NAV2: variants seen among roughly 807,000 people sequenced by gnomAD.
NAV2 encodes neuron navigator 2, also known as helicase, APC down-regulated 1.
Under a neutral mutation model 223.2 loss-of-function variants are expected in NAV2, and 54 were observed. The observed-to-expected ratio is 0.24, with a 90% CI of 0.19 to 0.30. NAV2 has a LOEUF of 0.30. Among genes scored for constraint, NAV2 ranks in the 10% least tolerant of loss-of-function variants. NAV2 has a pLI of 1.00. For synonymous variants in NAV2, 1,279 were observed against 1,239.3 expected, an observed-to-expected ratio of 1.03 and a Z score of -0.67; for missense variants, 2,806 against 3,147.5, an observed-to-expected ratio of 0.89 and a Z score of 2.60.
rs536720409 is a variant in NAV2 at position 19,610,134 on chromosome 11, C to T, written c.76-222350C>T. 1.1e-3 allele frequency among the ~76,000 whole-genome samples: 165 copies of T among 152,332 alleles called. 2 individuals are homozygous for T. The highest frequency in any genetic ancestry group is 3.4e-3 in the Middle Eastern group (1 of 294). ...TTGACAGCAATCATATCCCCAGGCTCATGGGTGGGGGTGACAGAGAATGGT... is the reference window on the plus strand; with the variant it reads ...TTGACAGCAATCATATCCCCAGGCTTATGGGTGGGGGTGACAGAGAATGGT... On this transcript the variant is annotated intron_variant, in intron 1 of 37. Transcript: ENST00000360655.
intron 10 of NAV2, among the ~76,000 whole-genome samples, chr11:19,976,380 C>G (rs1291890823): frequency 6.6e-6 from 1 of 152,252 alleles, no homozygotes; most frequent in East Asian, 1.9e-4. Context: ...TCTTCTGTCT[C>G]TCTCTCTTTC....
chr11:20,023,041 T>C, intron 11 of NAV2: 1 of 1,549,770 alleles, frequency 6.5e-7, no homozygotes. Flanking sequence ...GCTAAAGGAC[T>C]TGCCATCCTG....
At chr11:20,088,563 C>T (rs920415843) in intron 26 of NAV2, among the ~76,000 whole-genome samples, 1 of 152,170 alleles carries the variant, frequency 6.6e-6, no homozygotes, top group Non-Finnish European at 1.5e-5. Flanking sequence ...CTGGCTGATT[C>T]TGGAGGAGCA....
chr11:19,618,495 T>G (rs1266978089), intron 1 of NAV2, among the ~76,000 whole-genome samples: 1 of 17,646 alleles, frequency 5.7e-5, no homozygotes, highest in South Asian at 6.3e-3. Context: ...TCTGGATAGA[T>G]GGATGGATGG....
chr11:19,577,849 T>C (rs1460581443), intron 1 of NAV2, among the ~76,000 whole-genome samples: 2 of 152,160 alleles, frequency 1.3e-5, no homozygotes, highest in Non-Finnish European at 2.9e-5. Flanking sequence ...TTCATTCCAT[T>C]TCAATTTGTT....
rs2049975325 is a variant in NAV2, at chr11:19,712,917, G to T, written c.-779G>T. ...GCCGCTCCCGAGCGCAGCCCTGCCC[G>T]GCCCGCCAGCCGCGCGTCCCGGCGC... is the stretch of plus-strand genomic sequence containing the variant. On this transcript the variant is annotated 5_prime_UTR_variant, in exon 1 of 38. Transcript: ENST00000349880. Among the ~76,000 whole-genome samples the T allele has an allele frequency of 6.6e-6, 1 of 151,318 alleles. No homozygotes were observed. Among genetic ancestry groups the T allele is most frequent in the South Asian group, 2.1e-4 (1 of 4,834 alleles).
chr11:19,517,015 G>C (rs1190030911), intron 1 of NAV2, among the ~76,000 whole-genome samples: 5 of 150,044 alleles, frequency 3.3e-5, no homozygotes, highest in Non-Finnish European at 7.4e-5. Flanking sequence ...TTCATGACCA[G>C]ACCAGGCAAC....
At chr11:19,970,658 A>G (rs2049158308) in intron 10 of NAV2, among the ~76,000 whole-genome samples, 1 of 152,206 alleles carries the variant, frequency 6.6e-6, no homozygotes, top group South Asian at 2.1e-4. Flanking sequence ...AAGAAGAAAG[A>G]CAAGCCAACA....
chr11:20,023,699 G>GGGGGGGGT (rs1554902313), intron 11 of NAV2, among the ~76,000 whole-genome samples: 23 of 144,572 alleles, frequency 1.6e-4, no homozygotes, highest in Admixed American at 1.4e-3. Flanking sequence ...CAAATTGCTG[G>GGGGGGGGT]GTGTGTGTGT....
chr11:19,496,384 G>T (rs1246895972), intron 1 of NAV2, among the ~76,000 whole-genome samples: 1 of 152,212 alleles, frequency 6.6e-6, no homozygotes, highest in Non-Finnish European at 1.5e-5. Flanking sequence ...GTTTTCTGGG[G>T]CTGCATTCAT....
At chr11:20,038,807 G>A (rs2056643618) in intron 12 of NAV2, among the ~76,000 whole-genome samples, 1 of 152,164 alleles carries the variant, frequency 6.6e-6, no homozygotes, top group African/African-American at 2.4e-5. Flanking sequence ...TGCCTGCCTA[G>A]GTTTTTGCTG....
At position 19,536,193 on chromosome 11, in the gene NAV2, T is replaced by A. The variant is rs144541760; in HGVS notation, c.75+185166T>A. ...GAGGTGTAAGCAGTTTTGTCTCCAGTTTCCAGAAGAGAAAGCCAAGCCTTA... is the reference window on the plus strand; with the variant it reads ...GAGGTGTAAGCAGTTTTGTCTCCAGATTCCAGAAGAGAAAGCCAAGCCTTA... On this transcript the variant is annotated intron_variant, in intron 1 of 37. Coordinates refer to the NAV2 transcript ENST00000360655. Among the ~76,000 whole-genome samples the A allele has an allele frequency of 1.7e-3, 252 of 152,322 alleles. 4 individuals are homozygous for A. The East Asian group carries it at 0.027, about 16-fold the overall frequency.
intron 10 of NAV2, among the ~76,000 whole-genome samples, chr11:19,959,709 C>T (rs1283111068): frequency 6.6e-6 from 1 of 152,172 alleles, no homozygotes; most frequent in African/African-American, 2.4e-5. Context: ...CTCCCCAAGC[C>T]CCAAAGGGTA....
chr11:19,403,278 A>G (rs1339077852), intron 1 of NAV2, among the ~76,000 whole-genome samples: 1 of 152,166 alleles, frequency 6.6e-6, no homozygotes, highest in African/African-American at 2.4e-5. Context: ...AGGAAAACCA[A>G]TACACTTTTC....
intron 11 of NAV2, among the ~76,000 whole-genome samples, chr11:19,991,915 C>G (rs2051375032): frequency 6.6e-6 from 1 of 152,178 alleles, no homozygotes. Context: ...CTCTCTTCCT[C>G]TTTCATTTTC....
intron 6 of NAV2, 22 bp downstream of exon 6, chr11:19,892,616 C>G (rs763310161): frequency 5.0e-6 from 8 of 1,609,978 alleles, no homozygotes; most frequent in South Asian, 1.1e-5. Context: ...TCTTGAGGAG[C>G]CTTTTTGGTA....
intron 10 of NAV2, among the ~76,000 whole-genome samples, chr11:19,952,130 A>G (rs545031716): frequency 1.3e-5 from 2 of 152,344 alleles, no homozygotes; most frequent in Admixed American, 1.3e-4. Flanking sequence ...TGTCTTTTCT[A>G]CTCATCATAT....
chr11:19,935,399 A>G (rs1424902011), intron 7 of NAV2, among the ~76,000 whole-genome samples: 1 of 152,254 alleles, frequency 6.6e-6, no homozygotes, highest in Non-Finnish European at 1.5e-5. Flanking sequence ...AAGCATGGAC[A>G]CAAGTATACA....
intron 1 of NAV2, among the ~76,000 whole-genome samples, chr11:19,461,153 A>G (rs914836849): frequency 6.6e-6 from 1 of 151,626 alleles, no homozygotes; most frequent in African/African-American, 2.4e-5. Flanking sequence ...TGGCAACTAC[A>G]GTGCTGAGTA....
Sources: allele counts gnomAD v4.1 joint callset (sites outside exome capture counted in the v4.1 genomes callset), GRCh38; gene constraint gnomAD v4.1.1; transcripts MANE v1.5; gene names NCBI Gene and HGNC (gene_info 2026-07-23, HGNC 2026-07-21).